TSPAN11: variants seen among roughly 807,000 people sequenced by gnomAD.
The protein encoded by TSPAN11 is tetraspanin-11.
A neutral mutation model predicts 32.9 loss-of-function variants in TSPAN11; 29 were observed. The ratio of observed to expected loss-of-function variants is 0.88; its 90% CI spans 0.66 to 1.20. The LOEUF (loss-of-function observed/expected upper bound fraction) is 1.20, where lower values mean the gene tolerates loss of function less well. Ranked by LOEUF, TSPAN11 falls within the 50% of genes most tolerant of loss-of-function variation. TSPAN11 has a pLI of 0.00. For missense variants in TSPAN11, 283 were observed against 329.1 expected (o/e 0.86, Z 1.08); for synonymous variants, 140 against 141.3 (o/e 0.99, Z 0.07).
At chr12:30,952,202 T>G (rs1285527736) in intron 1 of TSPAN11, among the ~76,000 whole-genome samples, 1 of 152,136 alleles carries the variant, frequency 6.6e-6, no homozygotes, top group African/African-American at 2.4e-5. Context: ...TGGCCCTGCC[T>G]GGGAGGGGAG....
At chr12:30,957,228 A>ACCCCCCCCCCCCCCCCC (rs56296744) in intron 2 of TSPAN11, among the ~76,000 whole-genome samples, 1 of 107,406 alleles carries the variant, frequency 9.3e-6, no homozygotes, top group Non-Finnish European at 2.0e-5. Context: ...ATGGCCTGGG[A>ACCCCCCCCCCCCCCCCC]CCCCCCCCCC....
the TSPAN11 span, among the ~76,000 whole-genome samples, chr12:31,010,918 A>C: frequency 6.6e-6 from 1 of 152,186 alleles, no homozygotes; most frequent in Non-Finnish European, 1.5e-5. Context: ...GTTGTATTAT[A>C]AAGATCGAAC....
chr12:30,999,668 A>T (rs1939459485), downstream of TSPAN11, among the ~76,000 whole-genome samples: 1 of 152,168 alleles, frequency 6.6e-6, no homozygotes, highest in Non-Finnish European at 1.5e-5. Flanking sequence ...TTGAAAAATC[A>T]TAATTTGAAC....
At chr12:31,010,818 T>C in the TSPAN11 span, among the ~76,000 whole-genome samples, 1 of 151,650 alleles carries the variant, frequency 6.6e-6, no homozygotes, top group African/African-American at 2.4e-5. Flanking sequence ...AAAATCAAAG[T>C]AGATCCCAAC....
At chr12:31,012,779 C>T in the TSPAN11 span, 1 of 152,242 alleles carries the variant, frequency 6.6e-6, no homozygotes, top group African/African-American at 2.4e-5. Context: ...CACCCGTTTT[C>T]AGAATATTCT....
the TSPAN11 span, among the ~76,000 whole-genome samples, chr12:31,009,591 C>T: frequency 2.6e-5 from 4 of 152,136 alleles, no homozygotes; most frequent in African/African-American, 9.7e-5. Flanking sequence ...AAGTGCCACC[C>T]CACCTTGGTG....
chr12:30,952,122 CTG>C (rs1406607151), intron 1 of TSPAN11, among the ~76,000 whole-genome samples: 5 of 152,162 alleles, frequency 3.3e-5, no homozygotes, highest in Admixed American at 2.6e-4. Context: ...GGCCCTGACT[CTG>C]TGGTTTGAGT....
intron 7 of TSPAN11, among the ~76,000 whole-genome samples, chr12:30,984,194 C>G (rs1189999914): frequency 6.6e-6 from 1 of 152,226 alleles, no homozygotes; most frequent in African/African-American, 2.4e-5. Flanking sequence ...CACAGCCCTT[C>G]CCACTCCAGG....
chr12:30,964,017 G>A lies in TSPAN11; in HGVS notation c.276G>A (p.Thr92=), dbSNP rs751644094. 6.2e-6 allele frequency: 10 copies of A among 1,612,680 alleles called. No individual in the cohort carries two copies. Among genetic ancestry groups the A allele is most frequent in the East Asian group, 4.5e-5 (2 of 44,878 alleles). ...GGGAGCGGAAGGGCTGCCTCTCCACGGTCAGTGCCCGCCCTGTGCTCTGCA... is the reference window on the plus strand; with the variant it reads ...GGGAGCGGAAGGGCTGCCTCTCCACAGTCAGTGCCCGCCCTGTGCTCTGCA... The part of the protein sequence containing the change: ...ILWERKGCLS[T]YFCLLLVIFL... The change falls in exon 3 of 8, where the codon ACG becomes ACA. Residue 92 remains threonine, a splice_region_variant and synonymous_variant. Transcript: ENST00000546076.
intron 7 of TSPAN11, among the ~76,000 whole-genome samples, chr12:30,987,827 C>G (rs1411556509): frequency 6.6e-6 from 1 of 152,136 alleles, no homozygotes; most frequent in African/African-American, 2.4e-5. Flanking sequence ...CTTGAAATGC[C>G]CAAGGCAGTC....
chr12:30,973,773 T>C (rs993075689), intron 3 of TSPAN11, among the ~76,000 whole-genome samples: 4 of 152,208 alleles, frequency 2.6e-5, no homozygotes, highest in Non-Finnish European at 5.9e-5. Flanking sequence ...TTACTGACTT[T>C]TGTATAATAA....
intron 3 of TSPAN11, among the ~76,000 whole-genome samples, chr12:30,976,835 C>T (rs1938983052): frequency 6.6e-6 from 1 of 152,242 alleles, no homozygotes; most frequent in African/African-American, 2.4e-5. Flanking sequence ...ACCCAGCCCT[C>T]TCCACACACC....
At chr12:30,960,013 C>T (rs1246505459) in intron 2 of TSPAN11, among the ~76,000 whole-genome samples, 1 of 150,164 alleles carries the variant, frequency 6.7e-6, no homozygotes, top group African/African-American at 2.5e-5. Flanking sequence ...GGTGGGGAAC[C>T]GAGGTGGACA....
chr12:30,975,203 C>T lies in TSPAN11; in HGVS notation c.277-3358C>T, dbSNP rs1938942186. ...GAGTCAGGAAAGGCTGGGTAAGGTG[C>T]AGGGTGGAGGGGCAGAGGTGACAGG... On this transcript the variant is annotated intron_variant, in intron 3 of 7. Transcript: ENST00000546076. The surrounding 1 kb of genome is among the most constrained non-coding windows in gnomAD (Gnocchi z 4.5). 6.6e-6 allele frequency among the ~76,000 whole-genome samples: 1 copy of T among 152,160 alleles called. No individual in the cohort carries two copies. The highest frequency in any genetic ancestry group is 2.1e-4 in the South Asian group (1 of 4,830).
intron 3 of TSPAN11, among the ~76,000 whole-genome samples, chr12:30,971,835 G>T (rs1938856946): frequency 9.3e-6 from 1 of 107,294 alleles, no homozygotes; most frequent in Non-Finnish European, 2.1e-5. Flanking sequence ...TTCCTGCAAG[G>T]CCTCGTGTAA....
chr12:30,945,070 G>A (rs1938240556), intron 1 of TSPAN11, among the ~76,000 whole-genome samples: 1 of 152,044 alleles, frequency 6.6e-6, no homozygotes, highest in Admixed American at 6.5e-5. Flanking sequence ...ATTCCCCCAG[G>A]CCTTTGCTCA....
chr12:30,978,391 AG>A, intron 3 of TSPAN11, 169 bp from the exon 4 acceptor site: 1 of 647,144 alleles, frequency 1.5e-6, no homozygotes. Context: ...GGAAGGAGTA[AG>A]TGGGGAACTT....
chr12:31,013,215 A>T, the TSPAN11 span, among the ~76,000 whole-genome samples: 1 of 152,200 alleles, frequency 6.6e-6, no homozygotes, highest in African/African-American at 2.4e-5. Context: ...AAGGAGGGAC[A>T]AATCCCTTCT....
chr12:30,990,176 A>G (rs1344752044), intron 7 of TSPAN11, among the ~76,000 whole-genome samples: 2 of 151,968 alleles, frequency 1.3e-5, no homozygotes, highest in African/African-American at 2.4e-5. Flanking sequence ...GTGCATGTGG[A>G]CGCAGTGATG....
Sources: allele counts gnomAD v4.1 joint callset (sites outside exome capture counted in the v4.1 genomes callset), GRCh38; gene constraint gnomAD v4.1.1; non-coding constraint Gnocchi (gnomAD v3.1); transcripts MANE v1.5; gene names NCBI Gene and HGNC (gene_info 2026-07-23, HGNC 2026-07-21).